MATCAP2: variants seen among roughly 807,000 people sequenced by gnomAD.
MATCAP2 encodes microtubule associated tyrosine carboxypeptidase 2.
chr7:36,361,241 C>A, the MATCAP2 span, among the ~76,000 whole-genome samples: 1 of 152,096 alleles, frequency 6.6e-6, no homozygotes. Context: ...AATCATTAAA[C>A]CCATCGGTAC....
At chr7:36,354,961 T>G in the MATCAP2 span, among the ~76,000 whole-genome samples, 2 of 152,196 alleles carry the variant, frequency 1.3e-5, no homozygotes, top group African/African-American at 4.8e-5. Context: ...AAGAGCATTC[T>G]TTTTCATCTA....
the MATCAP2 span, among the ~76,000 whole-genome samples, chr7:36,385,464 T>A: frequency 1.3e-5 from 2 of 152,130 alleles, no homozygotes; most frequent in Non-Finnish European, 2.9e-5. Flanking sequence ...TAGAACAGAA[T>A]AGAGTCCGAC....
At chr7:36,336,183 A>G in the MATCAP2 span, 1 of 1,536,280 alleles carries the variant, frequency 6.5e-7, no homozygotes, top group Non-Finnish European at 8.7e-7. Context: ...TTCATCATGT[A>G]CTTCCTAACG....
chr7:36,360,765 A>G, the MATCAP2 span, among the ~76,000 whole-genome samples: 15 of 152,240 alleles, frequency 9.9e-5, 1 homozygote, highest in Admixed American at 2.0e-4. Context: ...TAAGAGGCCG[A>G]TAACATTTGA....
the MATCAP2 span, among the ~76,000 whole-genome samples, chr7:36,346,326 G>A: frequency 6.6e-6 from 1 of 152,070 alleles, no homozygotes; most frequent in Non-Finnish European, 1.5e-5. Flanking sequence ...CATAAAAAAT[G>A]TGTACACAAA....
chr7:36,380,594 G>A, the MATCAP2 span, among the ~76,000 whole-genome samples: 1 of 152,216 alleles, frequency 6.6e-6, no homozygotes, highest in Non-Finnish European at 1.5e-5. Flanking sequence ...GAGGCTTAAA[G>A]GAGGATGGGC....
the MATCAP2 span, among the ~76,000 whole-genome samples, chr7:36,365,394 T>C: frequency 6.6e-6 from 1 of 152,068 alleles, no homozygotes; most frequent in Non-Finnish European, 1.5e-5. Context: ...GGAAGAACTA[T>C]CTTGTCCAAA....
At chr7:36,348,649 C>A in the MATCAP2 span, among the ~76,000 whole-genome samples, 1 of 152,168 alleles carries the variant, frequency 6.6e-6, no homozygotes, top group African/African-American at 2.4e-5. Flanking sequence ...ATTTTAGAAT[C>A]TAAGTCCCTG....
At chr7:36,351,649 TA>T in the MATCAP2 span, among the ~76,000 whole-genome samples, 3 of 150,508 alleles carry the variant, frequency 2.0e-5, no homozygotes, top group Admixed American at 6.6e-5. Context: ...ATTAAGGTAG[TA>T]AAAAAAAAAT....
the MATCAP2 span, chr7:36,326,028 C>G: frequency 6.6e-6 from 1 of 151,724 alleles, no homozygotes; most frequent in Admixed American, 6.6e-5. Flanking sequence ...GGAATTTGTA[C>G]TTATTTTTAT....
chr7:36,330,663 G>A, the MATCAP2 span, among the ~76,000 whole-genome samples: 1 of 152,050 alleles, frequency 6.6e-6, no homozygotes, highest in Non-Finnish European at 1.5e-5. Context: ...CTGTTCTTTG[G>A]AGATATTATG....
the MATCAP2 span, among the ~76,000 whole-genome samples, chr7:36,388,916 T>C: frequency 1.3e-5 from 2 of 152,242 alleles, no homozygotes; most frequent in Admixed American, 6.5e-5. Context: ...CTGTTAATTT[T>C]AGCTTTATTT....
At chr7:36,347,477 G>A in the MATCAP2 span, among the ~76,000 whole-genome samples, 1 of 152,308 alleles carries the variant, frequency 6.6e-6, no homozygotes, top group East Asian at 1.9e-4. Context: ...GAAGTCAGAA[G>A]ACCTGGTTTT....
chr7:36,378,292 A>T, the MATCAP2 span, among the ~76,000 whole-genome samples: 3 of 152,042 alleles, frequency 2.0e-5, no homozygotes, highest in African/African-American at 7.2e-5. Flanking sequence ...TTTGGTGTGG[A>T]TGTCCTTTCT....
chr7:36,371,929 G>A, the MATCAP2 span, among the ~76,000 whole-genome samples: 1 of 151,936 alleles, frequency 6.6e-6, no homozygotes, highest in Non-Finnish European at 1.5e-5. Flanking sequence ...TGCCCAGGCT[G>A]GTCTCAAATT....
At chr7:36,379,876 A>AGAGT in the MATCAP2 span, among the ~76,000 whole-genome samples, 10 of 149,558 alleles carry the variant, frequency 6.7e-5, no homozygotes, top group African/African-American at 2.5e-4. Flanking sequence ...AGAGAGAGAG[A>AGAGT]ATATAAAGCC....
the MATCAP2 span, chr7:36,367,197 AACCTGCC>A: frequency 2.5e-6 from 3 of 1,181,842 alleles, no homozygotes; most frequent in African/African-American, 4.8e-5. Context: ...CAGCGCTTAG[AACCTGCC>A]ACCGTGACGT....
the MATCAP2 span, among the ~76,000 whole-genome samples, chr7:36,378,002 CTAA>C: frequency 3.3e-5 from 5 of 152,286 alleles, no homozygotes; most frequent in East Asian, 9.6e-4. Context: ...AGCCATTCGT[CTAA>C]TGTTTTTTCA....
chr7:36,376,332 C>T, the MATCAP2 span, among the ~76,000 whole-genome samples: 2 of 152,114 alleles, frequency 1.3e-5, no homozygotes, highest in Non-Finnish European at 2.9e-5. Context: ...TTATTTCTGC[C>T]TTCATTTCAT....
Sources: gnomAD v4.1 joint callset for allele counts (sites outside exome capture counted in the v4.1 genomes callset) on GRCh38, gnomAD v4.1.1 for gene constraint, MANE v1.5 for transcripts, NCBI Gene and HGNC (gene_info 2026-07-23, HGNC 2026-07-21) for gene names.